HMGN5: variants seen among roughly 807,000 people sequenced by gnomAD.
The protein encoded by HMGN5 is high mobility group nucleosome binding domain 5.
In HMGN5, 4 loss-of-function variants were observed where a neutral mutation model predicts 9.5. The observed-to-expected ratio is 0.42, with a 90% CI of 0.21 to 0.96. HMGN5 has a LOEUF of 0.96. Among genes scored for constraint, HMGN5 ranks in the 40% least tolerant of loss-of-function variants. The probability of loss-of-function intolerance (pLI) is 0.30; values close to 1 mark genes in which losing one functional copy is unlikely to be tolerated. For synonymous variants in HMGN5, 55 were observed against 57.1 expected, an observed-to-expected ratio of 0.96 and a Z score of 0.16; for missense variants, 192 against 187.5, an observed-to-expected ratio of 1.02 and a Z score of -0.14.
In HMGN5 at chrX:81,188,723, G is replaced by A. The variant is rs758208749; in HGVS notation, c.-124+13014C>T. Among the ~76,000 whole-genome samples, 20 of 109,555 alleles carry A rather than the reference G, an allele frequency of 1.8e-4. 1 individual carries two copies. Among genetic ancestry groups the A allele is most frequent in the African/African-American group, 5.7e-4 (17 of 30,034 alleles). ...TTCCCGCCTATGAGTGAGAATATGCGGTGTTTGGTTTTTTGTCCCTGCGAT... is the reference window on the plus strand; with the variant it reads ...TTCCCGCCTATGAGTGAGAATATGCAGTGTTTGGTTTTTTGTCCCTGCGAT... On this transcript the variant is annotated intron_variant, in intron 1 of 6. Transcript: ENST00000358130.
At chrX:81,146,116 T>A (rs2075342918) in intron 1 of HMGN5, among the ~76,000 whole-genome samples, 1 of 111,105 alleles carries the variant, frequency 9.0e-6, no homozygotes, top group African/African-American at 3.3e-5. Flanking sequence ...AACAAGGATA[T>A]CCAGGATGTG....
intron 1 of HMGN5, among the ~76,000 whole-genome samples, chrX:81,182,703 A>G (rs761019630): frequency 1.5e-4 from 17 of 112,222 alleles, no homozygotes; most frequent in Non-Finnish European, 3.8e-5. Context: ...ATGTACCACA[A>G]TTTCTTTATC....
intron 1 of HMGN5, among the ~76,000 whole-genome samples, chrX:81,187,343 G>C (rs2075480458): frequency 9.0e-6 from 1 of 111,478 alleles, no homozygotes; most frequent in Admixed American, 9.5e-5. Context: ...TCTCTCTTTA[G>C]CTCTAATAAT....
chrX:81,152,096 C>T (rs188122596), intron 1 of HMGN5, among the ~76,000 whole-genome samples: 2,087 of 111,068 alleles, frequency 0.019, 42 homozygotes, highest in African/African-American at 0.063. Context: ...AAGGACTTCA[C>T]GTCTAAAACA....
At chrX:81,177,134 T>C (rs2075444429) in intron 1 of HMGN5, among the ~76,000 whole-genome samples, 2 of 109,372 alleles carry the variant, frequency 1.8e-5, no homozygotes, top group South Asian at 8.0e-4. Context: ...TGGAGGCCAA[T>C]ATTCAACATT....
At chrX:81,201,639 A>C (rs923116528) in intron 1 of HMGN5, 98 bp downstream of exon 1, 2 of 112,585 alleles carry the variant, frequency 1.8e-5, no homozygotes, top group African/African-American at 6.5e-5. Flanking sequence ...TCAGTACTTT[A>C]GTGCCTAATT....
intron 1 of HMGN5, among the ~76,000 whole-genome samples, chrX:81,143,571 A>G (rs1487727753): frequency 2.7e-5 from 3 of 112,285 alleles, no homozygotes; most frequent in Non-Finnish European, 5.6e-5. Context: ...GCAAGGGGTC[A>G]GGGGATTTCC....
At chrX:81,164,180 G>A (rs2075405046) in intron 1 of HMGN5, among the ~76,000 whole-genome samples, 1 of 111,832 alleles carries the variant, frequency 8.9e-6, no homozygotes, top group African/African-American at 3.2e-5. Flanking sequence ...TATTTTTAAA[G>A]TGCTGAGAAT....
At chrX:81,188,263 A>ATATTATTATTATTATTATTAT (rs558790724) in intron 1 of HMGN5, among the ~76,000 whole-genome samples, 4 of 86,975 alleles carry the variant, frequency 4.6e-5, no homozygotes, top group Non-Finnish European at 8.8e-5. Flanking sequence ...TGTGCACAGA[A>ATATTATTATTATTATTATTAT]TATTATTATT....
At chrX:81,195,035 A>G (rs988330087) in intron 1 of HMGN5, 1 of 111,574 alleles carries the variant, frequency 9.0e-6, no homozygotes, top group South Asian at 3.7e-4. Context: ...TAGAGAGCGT[A>G]TTAGTCAGGG....
At chrX:81,175,988 C>G (rs757886064) in intron 1 of HMGN5, among the ~76,000 whole-genome samples, 1 of 111,859 alleles carries the variant, frequency 8.9e-6, no homozygotes, top group African/African-American at 3.2e-5. Flanking sequence ...GGTCCCTGAC[C>G]CCTGTGTAGC....
intron 2 of HMGN5, among the ~76,000 whole-genome samples, 191 bp downstream of exon 2, chrX:81,121,344 G>A (rs982823733): frequency 1.8e-5 from 2 of 111,538 alleles, no homozygotes; most frequent in Non-Finnish European, 3.8e-5. Context: ...TGAACTACCA[G>A]TTGCATGCAA....
chrX:81,116,404 G>T, intron 5 of HMGN5, 63 bp from the exon 6 acceptor site: 1 of 788,834 alleles, frequency 1.3e-6, no homozygotes, highest in Non-Finnish European at 1.8e-6. Flanking sequence ...TGATTAAATG[G>T]TCACAATTAT....
chrX:81,150,889 T>G (rs1762669076), intron 1 of HMGN5, among the ~76,000 whole-genome samples: 1 of 111,706 alleles, frequency 9.0e-6, no homozygotes, highest in African/African-American at 3.3e-5. Context: ...AACAAATTCC[T>G]AGACAAATAC....
intron 1 of HMGN5, among the ~76,000 whole-genome samples, chrX:81,189,182 C>T (rs1322088042): frequency 2.7e-5 from 3 of 111,835 alleles, no homozygotes; most frequent in Non-Finnish European, 5.6e-5. Context: ...CACTGCTGGA[C>T]TGTAAGGTTT....
chrX:81,115,537 A>T (rs2075250917), intron 6 of HMGN5, among the ~76,000 whole-genome samples: 1 of 112,397 alleles, frequency 8.9e-6, no homozygotes, highest in African/African-American at 3.2e-5. Context: ...TTAAAGGATG[A>T]CATATATTTA....
rs2075245239 is a variant in HMGN5 at position 81,114,114 on chromosome X, TA to T, written c.*534del. On this transcript the variant is annotated 3_prime_UTR_variant, in exon 7 of 7. Transcript: ENST00000358130. ...TAAGATAAATCCAGTAAAATTTGTG[TA>T]TTCACATATAATCAAAACTGCCCTT... The T allele has an allele frequency of 8.9e-6, 1 of 111,747 alleles. No homozygotes were observed. The highest frequency in any genetic ancestry group is 1.9e-5 in the Non-Finnish European group (1 of 53,192). The allele number at this position is 111,747 out of a possible 1,213,427, so 9.2% of individuals were successfully genotyped here. A position where few individuals can be genotyped will look rare whatever the true frequency, so the allele number is the denominator to read the frequency against.
chrX:81,189,603 G>A (rs779684173), intron 1 of HMGN5, among the ~76,000 whole-genome samples: 1 of 112,268 alleles, frequency 8.9e-6, no homozygotes, highest in South Asian at 3.7e-4. Context: ...ATTTTTGGAT[G>A]TACCACAGTT....
At chrX:81,125,127 A>T (rs1048031153) in intron 1 of HMGN5, among the ~76,000 whole-genome samples, 5 of 109,395 alleles carry the variant, frequency 4.6e-5, no homozygotes, top group African/African-American at 1.7e-4. Flanking sequence ...TTCTAGATAC[A>T]CTACTTTGCA....
Sources: allele counts gnomAD v4.1 joint callset (sites outside exome capture counted in the v4.1 genomes callset), GRCh38; gene constraint gnomAD v4.1.1; transcripts MANE v1.5; gene names NCBI Gene and HGNC (gene_info 2026-07-23, HGNC 2026-07-21).